MACF1: variants seen among roughly 807,000 people sequenced by gnomAD.
MACF1 encodes the protein microtubule actin crosslinking factor 1.
A neutral mutation model predicts 854.8 loss-of-function variants in MACF1; 193 were observed. That is an observed-to-expected ratio of 0.23 (90% CI 0.20 to 0.25). MACF1 has a LOEUF of 0.25. MACF1 is among the 10% of genes least tolerant of loss of function. The pLI, the probability that MACF1 is intolerant of heterozygous loss-of-function variation, is 1.00. For synonymous variants in MACF1, 3,185 were observed against 3,226.7 expected, an observed-to-expected ratio of 0.99 and a Z score of 0.44; for missense variants, 7,722 against 8,929.1, an observed-to-expected ratio of 0.86 and a Z score of 5.45.
intron 2 of MACF1, among the ~76,000 whole-genome samples, chr1:39,234,915 G>A (rs1328117046): frequency 7.4e-5 from 11 of 149,602 alleles, no homozygotes; most frequent in South Asian, 2.2e-4. Flanking sequence ...ATAGGCGGCC[G>A]GGCAGAGACG....
At chr1:39,238,341 C>T (rs1644882808) in intron 2 of MACF1, among the ~76,000 whole-genome samples, 2 of 152,144 alleles carry the variant, frequency 1.3e-5, no homozygotes, top group African/African-American at 4.8e-5. Context: ...CACTTGTCTC[C>T]TAGGGAAGAG....
intron 2 of MACF1, among the ~76,000 whole-genome samples, chr1:39,133,259 G>A (rs929071699): frequency 6.6e-5 from 10 of 152,178 alleles, no homozygotes; most frequent in Non-Finnish European, 1.2e-4. Flanking sequence ...AAGCAGCGCC[G>A]CCTGTGGACC....
chr1:39,322,569 A>G (rs774712877), intron 31 of MACF1, 39 bp from the exon 32 acceptor site: 1 of 1,507,298 alleles, frequency 6.6e-7, no homozygotes, highest in Non-Finnish European at 9.2e-7. Context: ...GTGAATTATA[A>G]AACCCTGAGT....
At chr1:39,381,832 A>G (rs1650251189) in intron 55 of MACF1, 121 bp from the exon 56 acceptor site, 7 of 743,750 alleles carry the variant, frequency 9.4e-6, no homozygotes, top group Non-Finnish European at 1.6e-5. Flanking sequence ...TGTCTCAAAT[A>G]AGTAAATAAA....
intron 2 of MACF1, among the ~76,000 whole-genome samples, chr1:39,192,456 C>T (rs992594716): frequency 2.2e-4 from 34 of 152,260 alleles, no homozygotes; most frequent in African/African-American, 7.7e-4. Flanking sequence ...TTGAGGCAGC[C>T]GTGAAGCCAA....
rs747587834 is a variant in MACF1, at chr1:39,311,008, C to A, written c.3270+8C>A. 6.2e-7 allele frequency: 1 copy of A among 1,608,306 alleles called. No individual in the cohort carries two copies. ...AGGATTGCAGAGCAAGAGGTAAGCC[C>A]TAAGAGCCATGTGGATGCTGGTTGT... On this transcript the variant is annotated splice_region_variant and intron_variant, in intron 26 of 100. Coordinates refer to ENST00000564288, the MANE Select transcript of MACF1 (RefSeq NM_001394062.1).
At chr1:39,107,602 A>T (rs1437960529) in intron 2 of MACF1, among the ~76,000 whole-genome samples, 1 of 152,092 alleles carries the variant, frequency 6.6e-6, no homozygotes, top group East Asian at 1.9e-4. Flanking sequence ...TACTTTGCTT[A>T]TGGAATTCCT....
chr1:39,265,901 T>C (rs1177466291), intron 6 of MACF1, among the ~76,000 whole-genome samples: 1 of 152,180 alleles, frequency 6.6e-6, no homozygotes, highest in African/African-American at 2.4e-5. Context: ...TCATTAACCT[T>C]GTCTACAATC....
chr1:39,462,070 C>A (rs758832585), intron 93 of MACF1, 33 bp downstream of exon 93: 1 of 1,608,632 alleles, frequency 6.2e-7, no homozygotes, highest in East Asian at 2.2e-5. Context: ...GAGTACACTT[C>A]TGGCTGTAGG....
At chr1:39,455,591 C>T (rs1226142403) in intron 89 of MACF1, among the ~76,000 whole-genome samples, 4 of 152,080 alleles carry the variant, frequency 2.6e-5, no homozygotes, top group South Asian at 2.1e-4. Context: ...CCATCATTTG[C>T]CCACACTCAA....
At chr1:39,227,338 T>G (rs1486176879) in intron 1 of MACF1, among the ~76,000 whole-genome samples, 1 of 152,180 alleles carries the variant, frequency 6.6e-6, no homozygotes, top group Non-Finnish European at 1.5e-5. Flanking sequence ...TCTCCGGTGG[T>G]TTTATGTTTT....
At chr1:39,445,689 G>A (rs1421028110) in intron 80 of MACF1, among the ~76,000 whole-genome samples, 1 of 152,214 alleles carries the variant, frequency 6.6e-6, no homozygotes, top group Admixed American at 6.5e-5. Context: ...GTCAGACCTG[G>A]TGGCTCACGC....
chr1:39,421,718 C>T (rs962586410), intron 58 of MACF1, among the ~76,000 whole-genome samples: 4 of 152,154 alleles, frequency 2.6e-5, no homozygotes, highest in African/African-American at 7.2e-5. Context: ...ATATACATTG[C>T]GCTTACTTGT....
intron 58 of MACF1, among the ~76,000 whole-genome samples, chr1:39,394,369 C>T (rs778597795): frequency 7.2e-5 from 11 of 152,124 alleles, no homozygotes; most frequent in Non-Finnish European, 1.6e-4. Flanking sequence ...CGCCTGTAAT[C>T]CCAGTACTTT....
At chr1:39,302,223 C>G (rs1646061997) in intron 22 of MACF1, among the ~76,000 whole-genome samples, 1 of 152,146 alleles carries the variant, frequency 6.6e-6, no homozygotes, top group African/African-American at 2.4e-5. Context: ...GTCTTGAACT[C>G]CTGGGCTCAA....
In MACF1 at chr1:39,316,527, C is replaced by G; in HGVS notation, c.3586C>G (p.Arg1196Gly). ...TCTGGAGGCCCATTGGTCGACATTA[C>G]GGGTGAGTTGCTCTGAGTTTCTTAG... ...SALEAHWSTL[R>G]HWLSDVKDKN... Residue 1196 changes from arginine to glycine, a missense_variant and splice_region_variant, in exon 28 of 101, where the codon CGG becomes GGG. Transcript: ENST00000564288. The G allele has an allele frequency of 6.2e-7, 1 of 1,611,546 alleles. No homozygotes were observed. The highest frequency in any genetic ancestry group is 1.7e-4 in the Middle Eastern group (1 of 6,054).
rs1419989221 is a variant in MACF1, at chr1:39,485,899, A to G, written c.*105A>G. On this transcript the variant is annotated 3_prime_UTR_variant, in exon 101 of 101. Transcript: ENST00000564288. The stretch of plus-strand genomic sequence containing the variant: ...GAAGTTATATTGTTAAAAGTGTAAA[A>G]GAATAATTGTGTTATGAAGCTGCCT... 9.8e-6 allele frequency: 12 copies of G among 1,219,192 alleles called. No homozygotes were observed. Among genetic ancestry groups the G allele is most frequent in the Non-Finnish European group, 1.3e-5 (12 of 937,626 alleles). The allele number at this position is 1,219,192 out of a possible 1,614,324, so 75.5% of individuals were successfully genotyped here.
chr1:39,373,086 C>A (rs1229585267), intron 52 of MACF1: 1 of 166,910 alleles, frequency 6.0e-6, no homozygotes, highest in Non-Finnish European at 1.3e-5. Context: ...GCAGGCGGAT[C>A]ACGAAGTCAG....
rs747821144 is a variant in MACF1, at chr1:39,447,851, A to C, written c.19921A>C (p.Ile6641Leu). Residue 6641 changes from isoleucine to leucine, a missense_variant, in exon 82 of 101, where the codon ATT (isoleucine) becomes CTT (leucine). Physicochemically the swap from Ile to Leu is conservative, Grantham distance 5. This residue lies in a region of MACF1 where 729 missense variants were observed against 900.5 expected (regional missense o/e 0.81). Transcript: ENST00000564288. ...ATGGGAGAAGGTTGTCCAGCGATCT[A>C]TTGAAAGAGGGCGATCACTAGATGA... Reference protein sequence around the residue: ...SRWEKVVQRSIERGRSLDDAR... With the variant: ...SRWEKVVQRSLERGRSLDDAR... 1 of 1,614,000 alleles carries C rather than the reference A, an allele frequency of 6.2e-7. No homozygotes were observed. Among genetic ancestry groups the C allele is most frequent in the Admixed American group, 1.7e-5 (1 of 60,004 alleles).
Sources: allele counts gnomAD v4.1 joint callset (sites outside exome capture counted in the v4.1 genomes callset), GRCh38; gene constraint gnomAD v4.1.1; regional missense constraint gnomAD v4.1.1; transcripts MANE v1.5; gene names NCBI Gene and HGNC (gene_info 2026-07-23, HGNC 2026-07-21).